RALGAPA2: variants seen among roughly 807,000 people sequenced by gnomAD.
The protein encoded by RALGAPA2 is Ral GTPase activating protein catalytic subunit alpha 2, also known as ral GTPase-activating protein subunit alpha-2.
Under a neutral mutation model 230.4 loss-of-function variants are expected in RALGAPA2, and 139 were observed. That is an observed-to-expected ratio of 0.60 (90% CI 0.53 to 0.69). The LOEUF (loss-of-function observed/expected upper bound fraction) is 0.69. RALGAPA2 is among the 30% of genes least tolerant of loss of function. The pLI, the probability that RALGAPA2 is intolerant of heterozygous loss-of-function variation, is 0.00. For synonymous variants in RALGAPA2, 847 were observed against 837.8 expected, an observed-to-expected ratio of 1.01 and a Z score of -0.19; for missense variants, 2,163 against 2,276.0, an observed-to-expected ratio of 0.95 and a Z score of 1.01.
intron 20 of RALGAPA2, among the ~76,000 whole-genome samples, chr20:20,575,574 G>A (rs1014403199): frequency 1.3e-5 from 2 of 152,146 alleles, no homozygotes; most frequent in African/African-American, 4.8e-5. Context: ...GGGTGAAAAA[G>A]CAGTGGCCAG....
At chr20:20,402,501 C>T (rs201367873) in intron 38 of RALGAPA2, among the ~76,000 whole-genome samples, 50 of 152,290 alleles carry the variant, frequency 3.3e-4, no homozygotes, top group East Asian at 9.7e-4. Context: ...GAGGGCAGGG[C>T]GGGACACGTG....
At chr20:20,706,461 T>C (rs758135147) in intron 1 of RALGAPA2, among the ~76,000 whole-genome samples, 6 of 152,260 alleles carry the variant, frequency 3.9e-5, no homozygotes, top group Admixed American at 6.5e-5. Context: ...AGCTTTGTTC[T>C]AGTTGTAGAA....
chr20:20,526,321 A>T lies in RALGAPA2; in HGVS notation c.3624T>A (p.Leu1208=). Residue 1208 remains leucine (L), a synonymous_variant, in exon 28 of 40, where the codon CTT becomes CTA. Coordinates refer to ENST00000202677, the MANE Select transcript of RALGAPA2 (RefSeq NM_020343.4). The stretch of plus-strand genomic sequence containing the variant: ...TCTCCCAGTAGGAAACCAGCAACTG[A>T]AGGACATCGCAAGCTACCTGGGCCA... ...KIVAQVACDV[L]QLLVSYWEKL... The T allele has an allele frequency of 6.2e-7, 1 of 1,608,162 alleles. No homozygotes were observed. The highest frequency in any genetic ancestry group is 2.2e-5 in the East Asian group (1 of 44,818).
chr20:20,543,036 C>CAAGGAA (rs2063690768), intron 24 of RALGAPA2, among the ~76,000 whole-genome samples: 1 of 151,898 alleles, frequency 6.6e-6, no homozygotes, highest in African/African-American at 2.4e-5. Flanking sequence ...CCAGAATCTA[C>CAAGGAA]AAGGAACTTA....
chr20:20,410,579 T>C (rs1168698877), intron 38 of RALGAPA2, among the ~76,000 whole-genome samples: 1 of 152,210 alleles, frequency 6.6e-6, no homozygotes, highest in South Asian at 2.1e-4. Context: ...ACTGAAAAAT[T>C]AGAAACGATT....
rs17741868 is a variant in RALGAPA2 at position 20,667,836 on chromosome 20, A to C, written c.270+8400T>G. ...CTAGCCTTTATTTAACATTATTTTCATTTTAAAAAATGCATGAAAACAGTA... is the reference window on the plus strand; with the variant it reads ...CTAGCCTTTATTTAACATTATTTTCCTTTTAAAAAATGCATGAAAACAGTA... On this transcript the variant is annotated intron_variant, in intron 3 of 39. Coordinates refer to ENST00000202677, the MANE Select transcript of RALGAPA2 (RefSeq NM_020343.4). Among the ~76,000 whole-genome samples, 374 of 152,294 alleles carry C rather than the reference A, an allele frequency of 2.5e-3. 12 individuals carry two copies. In the East Asian group the frequency reaches 0.065, roughly 27 times the overall value.
At chr20:20,572,427 G>A (rs1266733950) in intron 21 of RALGAPA2, among the ~76,000 whole-genome samples, 1 of 148,924 alleles carries the variant, frequency 6.7e-6, no homozygotes, top group African/African-American at 2.5e-5. Context: ...TGGGCGACAG[G>A]GCAAGCAAGA....
At chr20:20,499,624 T>C (rs1199528443) in intron 35 of RALGAPA2, among the ~76,000 whole-genome samples, 1 of 152,174 alleles carries the variant, frequency 6.6e-6, no homozygotes, top group African/African-American at 2.4e-5. Context: ...CTGAGGCAGC[T>C]CCTCCAAGAC....
At chr20:20,641,412 T>C (rs1170049747) in intron 5 of RALGAPA2, among the ~76,000 whole-genome samples, 7 of 152,212 alleles carry the variant, frequency 4.6e-5, no homozygotes, top group Non-Finnish European at 1.0e-4. Context: ...GATAATGTTC[T>C]TGAGAATCAG....
At chr20:20,665,613 T>C (rs2146706886) in intron 3 of RALGAPA2, among the ~76,000 whole-genome samples, 1 of 152,318 alleles carries the variant, frequency 6.6e-6, no homozygotes, top group South Asian at 2.1e-4. Flanking sequence ...ACTCAAACAT[T>C]TGTCTAATTA....
intron 23 of RALGAPA2, 90 bp from the exon 24 acceptor site, chr20:20,546,922 TAATAATCC>T (rs1223920952): frequency 1.5e-6 from 2 of 1,301,728 alleles, no homozygotes; most frequent in Non-Finnish European, 2.0e-6. Flanking sequence ...GACCACTGTA[TAATAATCC>T]AAGAGAGCAC....
At chr20:20,448,126 T>C (rs1391562925) in intron 37 of RALGAPA2, among the ~76,000 whole-genome samples, 3 of 152,196 alleles carry the variant, frequency 2.0e-5, no homozygotes, top group Non-Finnish European at 4.4e-5. Context: ...AAGTAAAAAT[T>C]GTTTTTGAAA....
At chr20:20,475,641 T>C (rs746471179) in intron 36 of RALGAPA2, among the ~76,000 whole-genome samples, 2 of 152,094 alleles carry the variant, frequency 1.3e-5, no homozygotes, top group Non-Finnish European at 2.9e-5. Context: ...TCATAATTAA[T>C]GATGAAAGAT....
intron 23 of RALGAPA2, among the ~76,000 whole-genome samples, chr20:20,560,882 T>C (rs1443029915): frequency 6.6e-6 from 1 of 152,240 alleles, no homozygotes; most frequent in Non-Finnish European, 1.5e-5. Flanking sequence ...AAATCCCTTC[T>C]GCAATGAAAT....
rs1049401075 is a variant in RALGAPA2, at chr20:20,565,346, A to C, written c.3156+6112T>G. Among the ~76,000 whole-genome samples the C allele has an allele frequency of 2.3e-4, 35 of 152,192 alleles. 1 individual carries two copies. Among genetic ancestry groups the C allele is most frequent in the African/African-American group, 8.2e-4 (34 of 41,434 alleles). ...CAAAGAACAATTCTTTGTCTGAGAAAAGGTGATGCAATTATTACATATGAC... is the reference window on the plus strand; with the variant it reads ...CAAAGAACAATTCTTTGTCTGAGAACAGGTGATGCAATTATTACATATGAC... On this transcript the variant is annotated intron_variant, in intron 23 of 39. Coordinates refer to ENST00000202677, the MANE Select transcript of RALGAPA2 (RefSeq NM_020343.4).
At chr20:20,547,371 C>T (rs1467189976) in intron 23 of RALGAPA2, among the ~76,000 whole-genome samples, 1 of 152,202 alleles carries the variant, frequency 6.6e-6, no homozygotes, top group Non-Finnish European at 1.5e-5. Flanking sequence ...AACAGCATGG[C>T]TCTGAGTATA....
chr20:20,644,459 T>C (rs778902887), intron 4 of RALGAPA2, among the ~76,000 whole-genome samples: 4 of 152,292 alleles, frequency 2.6e-5, no homozygotes, highest in Non-Finnish European at 2.9e-5. Context: ...CACAGCTACA[T>C]TGATAAATAC....
intron 37 of RALGAPA2, among the ~76,000 whole-genome samples, chr20:20,436,435 T>A (rs527330408): frequency 1.3e-5 from 2 of 151,666 alleles, no homozygotes; most frequent in South Asian, 4.2e-4. Context: ...ACGTTACTTA[T>A]CTATTCCTTC....
chr20:20,585,689 A>G (rs1386849194), intron 18 of RALGAPA2, among the ~76,000 whole-genome samples: 1 of 152,224 alleles, frequency 6.6e-6, no homozygotes, highest in Non-Finnish European at 1.5e-5. Flanking sequence ...GATTCAAGGC[A>G]GGAAGTACTG....
Sources: gnomAD v4.1 joint callset for allele counts (sites outside exome capture counted in the v4.1 genomes callset) on GRCh38, gnomAD v4.1.1 for gene constraint, MANE v1.5 for transcripts, NCBI Gene and HGNC (gene_info 2026-07-23, HGNC 2026-07-21) for gene names.